IGFL2: variants seen among roughly 807,000 people sequenced by gnomAD.
IGFL2 encodes insulin growth factor-like family member 2.
IGFL2 carries 7 observed loss-of-function variants against 13.9 expected under a neutral mutation model. That is an observed-to-expected ratio of 0.51 (90% CI 0.29 to 0.95). The LOEUF (loss-of-function observed/expected upper bound fraction) is 0.95, where lower values mean the gene tolerates loss of function less well. Among genes scored for constraint, IGFL2 ranks in the 40% least tolerant of loss-of-function variants. The pLI, the probability that IGFL2 is intolerant of heterozygous loss-of-function variation, is 0.08. For missense variants in IGFL2, 138 were observed against 147.8 expected (o/e 0.93, Z 0.34); for synonymous variants, 55 against 55.8 (o/e 0.99, Z 0.07).
the IGFL2 span, among the ~76,000 whole-genome samples, chr19:46,078,873 A>G: frequency 0.013 from 1,669 of 133,106 alleles, 30 homozygotes; most frequent in Middle Eastern, 0.035. Context: ...TCGTCAGTAG[A>G]CATCGCGCAG....
the IGFL2 span, among the ~76,000 whole-genome samples, chr19:46,201,976 C>T: frequency 3.3e-5 from 5 of 151,606 alleles, no homozygotes; most frequent in Admixed American, 1.3e-4. Context: ...GTGGGGGAGG[C>T]GATAGAAGGA....
chr19:46,202,527 G>T, the IGFL2 span: 1 of 152,150 alleles, frequency 6.6e-6, no homozygotes, highest in Non-Finnish European at 1.5e-5. Flanking sequence ...AGGGGGGTTG[G>T]TACTTGCCAT....
the IGFL2 span, among the ~76,000 whole-genome samples, chr19:46,116,489 C>T: frequency 6.6e-6 from 1 of 152,100 alleles, no homozygotes; most frequent in Admixed American, 6.5e-5. Context: ...TTGAATCTTT[C>T]CAAAGCATTT....
At chr19:46,137,524 AG>A in the IGFL2 span, 1 of 1,087,920 alleles carries the variant, frequency 9.2e-7, no homozygotes, top group Non-Finnish European at 1.4e-6. Context: ...CAGAGGATGA[AG>A]GAAGGTCCAA....
chr19:46,201,202 C>T, the IGFL2 span, among the ~76,000 whole-genome samples: 178 of 152,332 alleles, frequency 1.2e-3, no homozygotes, highest in African/African-American at 4.0e-3. Context: ...ACCCTCCTCT[C>T]CACCCTCCTC....
chr19:46,182,095 G>A, the IGFL2 span, among the ~76,000 whole-genome samples: 9 of 152,026 alleles, frequency 5.9e-5, no homozygotes, highest in South Asian at 4.1e-4. Flanking sequence ...TGGACCAGGC[G>A]CAGTGGCTCA....
At chr19:46,189,494 G>A in the IGFL2 span, 1 of 152,298 alleles carries the variant, frequency 6.6e-6, no homozygotes, top group South Asian at 2.1e-4. Context: ...CGGGGAAAGG[G>A]ACACTCCTTT....
At chr19:46,149,151 C>CCT (rs1384938138) in intron 1 of IGFL2, 1 of 216,180 alleles carries the variant, frequency 4.6e-6, no homozygotes, top group Admixed American at 4.2e-5. Context: ...TCTCTCTCTC[C>CCT]CTCTCTCTCT....
At chr19:46,120,429 C>G in the IGFL2 span, 2 of 1,597,024 alleles carry the variant, frequency 1.3e-6, no homozygotes, top group Non-Finnish European at 1.7e-6. Context: ...CCTACAAAAG[C>G]AATTTTAACA....
At chr19:46,091,778 A>T in the IGFL2 span, among the ~76,000 whole-genome samples, 7 of 152,244 alleles carry the variant, frequency 4.6e-5, no homozygotes, top group Non-Finnish European at 8.8e-5. Context: ...TTAGCTAAAG[A>T]AACACAGTCA....
At chr19:46,189,118 T>C in the IGFL2 span, 1 of 161,676 alleles carries the variant, frequency 6.2e-6, no homozygotes, top group South Asian at 1.8e-4. Flanking sequence ...CGCTGTTATT[T>C]ATTGGATACA....
At chr19:46,090,984 T>C in the IGFL2 span, among the ~76,000 whole-genome samples, 3 of 152,228 alleles carry the variant, frequency 2.0e-5, no homozygotes, top group Non-Finnish European at 4.4e-5. Context: ...TGTGCTATGC[T>C]GCCTGGGGTT....
the IGFL2 span, among the ~76,000 whole-genome samples, chr19:46,193,165 CT>C: frequency 1.3e-5 from 2 of 152,068 alleles, no homozygotes; most frequent in Non-Finnish European, 2.9e-5. Context: ...GCACTCCAGC[CT>C]GGGGGACAGA....
At chr19:46,174,069 A>C in the IGFL2 span, 3 of 152,372 alleles carry the variant, frequency 2.0e-5, no homozygotes, top group African/African-American at 7.2e-5. Flanking sequence ...GAGGGAGCAG[A>C]AACAGGACAG....
chr19:46,164,971 CTG>C (rs746695591), downstream of IGFL2, among the ~76,000 whole-genome samples: 3 of 152,210 alleles, frequency 2.0e-5, no homozygotes, highest in Non-Finnish European at 4.4e-5. Flanking sequence ...GTAGGCCTAA[CTG>C]TGTCCTACCA....
At chr19:46,181,118 G>A in the IGFL2 span, 1 of 152,224 alleles carries the variant, frequency 6.6e-6, no homozygotes, top group African/African-American at 2.4e-5. Context: ...TTATAAGTAA[G>A]GAGAGAAATC....
the IGFL2 span, among the ~76,000 whole-genome samples, chr19:46,086,380 A>G: frequency 5.9e-5 from 9 of 151,990 alleles, no homozygotes; most frequent in Non-Finnish European, 1.3e-4. Context: ...GTTGGAGTGC[A>G]GTGGTATTCC....
chr19:46,204,435 A>G, the IGFL2 span, among the ~76,000 whole-genome samples: 24 of 152,284 alleles, frequency 1.6e-4, no homozygotes, highest in African/African-American at 5.1e-4. Flanking sequence ...ATAGGGTGAG[A>G]AAATATGACC....
At chr19:46,149,762 A>G (rs1973372213) in intron 1 of IGFL2, among the ~76,000 whole-genome samples, 1 of 152,068 alleles carries the variant, frequency 6.6e-6, no homozygotes, top group South Asian at 2.1e-4. Flanking sequence ...ATCAGCATTC[A>G]TTTATCCATT....
Sources: allele counts gnomAD v4.1 joint callset (sites outside exome capture counted in the v4.1 genomes callset), GRCh38; gene constraint gnomAD v4.1.1; transcripts MANE v1.5; gene names NCBI Gene and HGNC (gene_info 2026-07-23, HGNC 2026-07-21).